The following HIGD2B variants were observed in gnomAD, a reference collection of about 807,000 sequenced individuals.
The protein encoded by HIGD2B is HIG1 hypoxia inducible domain family member 2B, also known as HIG1 domain family member 2B.
For missense variants in HIGD2B, 106 were observed against 67.0 expected, an observed-to-expected ratio of 1.58 and a Z score of -2.03; for synonymous variants, 45 against 28.1, an observed-to-expected ratio of 1.60 and a Z score of -1.90.
chr15:72,685,218 C>T (rs1429111316), intron 1 of HIGD2B, among the ~76,000 whole-genome samples: 2 of 152,158 alleles, frequency 1.3e-5, no homozygotes, highest in Non-Finnish European at 2.9e-5. Flanking sequence ...TTCTCCCTCT[C>T]TTAGAGGCCT....
At chr15:72,683,548 C>T (rs2064771596) in intron 1 of HIGD2B, among the ~76,000 whole-genome samples, 1 of 150,728 alleles carries the variant, frequency 6.6e-6, no homozygotes, top group Non-Finnish European at 1.5e-5. Flanking sequence ...CTGCATGAAA[C>T]TAAGCGCTGT....
At position 72,686,079 on chromosome 15, in the gene HIGD2B, C is replaced by A. The variant is rs753833894; in HGVS notation, c.-454G>T. On this transcript the variant is annotated 5_prime_UTR_variant, in exon 1 of 3. Transcript: ENST00000311755. The stretch of plus-strand genomic sequence containing the variant: ...GAGGTAAGCCTTCTGTGGAGCAGAC[C>A]CTAATCCTCCCCCTGATTCCTTAGG... The A allele has an allele frequency of 2.4e-6, 2 of 835,952 alleles. No individual in the cohort carries two copies. The highest frequency in any genetic ancestry group is 3.9e-6 in the Non-Finnish European group (2 of 513,074). The allele number at this position is 835,952 out of a possible 1,614,324, so 51.8% of individuals were successfully genotyped here.
Position 72,686,089 on chromosome 15 carries a change from C to T in HIGD2B, c.-464G>A, listed in dbSNP as rs1474813444. 2.2e-6 allele frequency: 2 copies of T among 891,426 alleles called. No homozygotes were observed. Among genetic ancestry groups the T allele is most frequent in the Non-Finnish European group, 3.6e-6 (2 of 561,318 alleles). 55.2% of individuals were successfully genotyped at this position (891,426 alleles called of 1,614,324 possible). On this transcript the variant is annotated 5_prime_UTR_variant, in exon 1 of 3. Coordinates refer to ENST00000311755, the MANE Select transcript of HIGD2B (RefSeq NM_001350932.3). ...TTCTGTGGAGCAGACCCTAATCCTC[C>T]CCCTGATTCCTTAGGTCACTCGGCG...
At chr15:72,682,361 C>T (rs1204976527) in intron 1 of HIGD2B, 5 of 224,210 alleles carry the variant, frequency 2.2e-5, no homozygotes, top group Non-Finnish European at 3.7e-5. Flanking sequence ...CCATCCTCTT[C>T]CTTTTCTTCC....
intron 1 of HIGD2B, among the ~76,000 whole-genome samples, chr15:72,683,296 A>G (rs1410685768): frequency 2.0e-5 from 3 of 152,360 alleles, no homozygotes; most frequent in Middle Eastern, 6.8e-3. Context: ...CAGCAGAACT[A>G]AAGGGTAACT....
chr15:72,676,340 G>C lies in HIGD2B; in HGVS notation c.35C>G (p.Pro12Arg). The change falls in exon 3 of 3, where the codon CCC (proline) becomes CGC (arginine). Residue 12 changes from proline (P) to arginine (R), a missense_variant. Pro to Arg is a moderately radical substitution (Grantham distance 103). Coordinates refer to ENST00000311755, the MANE Select transcript of HIGD2B (RefSeq NM_001350932.3). ...GATGGGGGGCTTCGATGATTCAAAG[G>C]GGGCCTCCGGAGTCACAAAGCCGAG... ...ATLGFVTPEA[P>R]FESSKPPIFE... 1 of 761,424 alleles carries C rather than the reference G, an allele frequency of 1.3e-6. No individual in the cohort carries two copies. The highest frequency in any genetic ancestry group is 2.4e-6 in the Non-Finnish European group (1 of 415,256). The allele number at this position is 761,424 out of a possible 1,614,324, so 47.2% of individuals were successfully genotyped here. A position where few individuals can be genotyped will look rare whatever the true frequency, so the allele number is the denominator to read the frequency against.
chr15:72,680,938 G>A (rs979521835), intron 1 of HIGD2B, among the ~76,000 whole-genome samples: 5 of 152,050 alleles, frequency 3.3e-5, no homozygotes, highest in African/African-American at 7.2e-5. Context: ...TGAGAGACAG[G>A]GATGTACAAC....
At chr15:72,681,911 T>G (rs1215299884) in intron 1 of HIGD2B, among the ~76,000 whole-genome samples, 1 of 152,024 alleles carries the variant, frequency 6.6e-6, no homozygotes, top group Non-Finnish European at 1.5e-5. Flanking sequence ...GCACTTGGAC[T>G]CCTTTAAAAT....
intron 1 of HIGD2B, among the ~76,000 whole-genome samples, chr15:72,683,796 G>C (rs906284692): frequency 4.6e-5 from 7 of 151,992 alleles, no homozygotes; most frequent in African/African-American, 1.7e-4. Context: ...AGCCGTGATT[G>C]TCCCACTGCA....
At position 72,676,087 on chromosome 15, in the gene HIGD2B, AC is replaced by A. The variant is rs1567382462; in HGVS notation, c.287del (p.Gly96ValfsTer2). ...QGFTIAAILLGLAATAMKSPP is the reference protein window; with the variant it reads ...QGFTIAAILLXLAATAMKSPP The stretch of plus-strand genomic sequence containing the variant: ...GAGACTTCATAGCGGTGGCAGCTAG[AC>A]CCAGCAAGATGGCTGCAATGGTGAA... On this transcript the variant is annotated frameshift_variant, in exon 3 of 3. Coordinates refer to ENST00000311755, the MANE Select transcript of HIGD2B (RefSeq NM_001350932.3). LOFTEE classifies it high-confidence loss of function. 1.3e-6 allele frequency: 1 copy of A among 764,056 alleles called. No individual in the cohort carries two copies. Among genetic ancestry groups the A allele is most frequent in the African/African-American group, 1.7e-5 (1 of 58,932 alleles). The allele number at this position is 764,056 out of a possible 1,614,324, so 47.3% of individuals were successfully genotyped here.
chr15:72,681,708 G>T (rs182244490), intron 1 of HIGD2B, among the ~76,000 whole-genome samples: 210 of 150,870 alleles, frequency 1.4e-3, no homozygotes, highest in Non-Finnish European at 2.6e-3. Context: ...CCGGGTTCAA[G>T]TGATTCTCCT....
chr15:72,684,183 C>A (rs1295977413), intron 1 of HIGD2B, among the ~76,000 whole-genome samples: 2 of 152,120 alleles, frequency 1.3e-5, no homozygotes, highest in Non-Finnish European at 1.5e-5. Flanking sequence ...AAAGTACACT[C>A]CAGTGTGGGA....
In HIGD2B at chr15:72,686,123, C is replaced by A; in HGVS notation, c.-498G>T. 1 of 1,230,070 alleles carries A rather than the reference C, an allele frequency of 8.1e-7. No homozygotes were observed. Among genetic ancestry groups the A allele is most frequent in the Non-Finnish European group, 1.2e-6 (1 of 866,262 alleles). The allele number at this position is 1,230,070 out of a possible 1,614,324, so 76.2% of individuals were successfully genotyped here. ...CCTTAGGTCACTCGGCGATTTACTT[C>A]CTTCCCCCGCTTCCTCACAGTCCTC... On this transcript the variant is annotated 5_prime_UTR_variant, in exon 1 of 3. Coordinates refer to ENST00000311755, the MANE Select transcript of HIGD2B (RefSeq NM_001350932.3).
At chr15:72,680,867 A>T (rs1217349990) in intron 1 of HIGD2B, among the ~76,000 whole-genome samples, 1 of 151,792 alleles carries the variant, frequency 6.6e-6, no homozygotes, top group Non-Finnish European at 1.5e-5. Context: ...TGGGTGACAG[A>T]GTGAAATTCT....
chr15:72,678,338 C>T (rs748401769), intron 2 of HIGD2B, among the ~76,000 whole-genome samples: 1 of 152,138 alleles, frequency 6.6e-6, no homozygotes, highest in African/African-American at 2.4e-5. Flanking sequence ...CTCTGTCACC[C>T]AGGCTGGAGT....
Position 72,686,020 on chromosome 15 carries a change from CGA to C in HIGD2B, c.-397_-396del. On this transcript the variant is annotated 5_prime_UTR_variant, in exon 1 of 3. It introduces an in-frame stop codon into an upstream open reading frame of the 5' UTR. Coordinates refer to ENST00000311755, the MANE Select transcript of HIGD2B (RefSeq NM_001350932.3). ...TAGGGGCTTCTCGGGATAAAGGCAG[CGA>C]GTGGCTGCGCATTCCCTCCCCGACT... 1.6e-6 allele frequency: 1 copy of C among 642,956 alleles called. No individual in the cohort carries two copies. The highest frequency in any genetic ancestry group is 2.8e-5 in the East Asian group (1 of 36,266). The allele number at this position is 642,956 out of a possible 1,614,324, so 39.8% of individuals were successfully genotyped here.
chr15:72,686,021 G>A lies in HIGD2B; in HGVS notation c.-396C>T, dbSNP rs112924331. On this transcript the variant is annotated 5_prime_UTR_variant, in exon 1 of 3. Transcript: ENST00000311755. ...AGGGGCTTCTCGGGATAAAGGCAGC[G>A]AGTGGCTGCGCATTCCCTCCCCGAC... 2 of 645,434 alleles carry A rather than the reference G, an allele frequency of 3.1e-6. No individual in the cohort carries two copies. The highest frequency in any genetic ancestry group is 3.6e-5 in the African/African-American group (2 of 55,426). 40.0% of individuals were successfully genotyped at this position (645,434 alleles called of 1,614,324 possible).
chr15:72,681,608 T>G (rs910248650), intron 1 of HIGD2B, among the ~76,000 whole-genome samples: 4 of 151,016 alleles, frequency 2.6e-5, no homozygotes, highest in South Asian at 2.1e-4. Context: ...AATTTTTTTT[T>G]TTTTTTTTTT....
intron 2 of HIGD2B, among the ~76,000 whole-genome samples, chr15:72,677,452 G>A (rs1245713361): frequency 6.6e-6 from 1 of 151,632 alleles, no homozygotes; most frequent in Non-Finnish European, 1.5e-5. Context: ...GTTTGGGAAA[G>A]AGACTGCATG....
Sources: allele counts gnomAD v4.1 joint callset (sites outside exome capture counted in the v4.1 genomes callset), GRCh38; gene constraint gnomAD v4.1.1; transcripts MANE v1.5; gene names NCBI Gene and HGNC (gene_info 2026-07-23, HGNC 2026-07-21).